The following ARHGAP24 variants were observed in gnomAD, a reference collection of about 807,000 sequenced individuals.
The protein encoded by ARHGAP24 is Rho GTPase activating protein 24, also known as rho GTPase-activating protein 24.
In ARHGAP24, 50 loss-of-function variants were observed where a neutral mutation model predicts 76.4. The ratio of observed to expected loss-of-function variants is 0.65; its 90% CI spans 0.52 to 0.83. ARHGAP24 has a LOEUF of 0.83. Ranked by LOEUF, ARHGAP24 falls within the 40% of genes least tolerant of loss-of-function variation. The pLI, the probability that ARHGAP24 is intolerant of heterozygous loss-of-function variation, is 0.00. For synonymous variants in ARHGAP24, 345 were observed against 323.3 expected, an observed-to-expected ratio of 1.07 and a Z score of -0.72; for missense variants, 930 against 914.2, an observed-to-expected ratio of 1.02 and a Z score of -0.22.
intron 3 of ARHGAP24, among the ~76,000 whole-genome samples, chr4:85,915,782 G>A (rs572955867): frequency 1.9e-3 from 285 of 152,306 alleles, no homozygotes; most frequent in African/African-American, 6.8e-3. Context: ...AGTATTCCAT[G>A]CTGTATATGT....
intron 3 of ARHGAP24, among the ~76,000 whole-genome samples, chr4:85,824,171 A>C (rs1275152607): frequency 6.6e-6 from 1 of 152,204 alleles, no homozygotes. Flanking sequence ...AAACATCTAC[A>C]TAAGATGGTT....
At chr4:85,800,598 A>G (rs951356601) in intron 3 of ARHGAP24, among the ~76,000 whole-genome samples, 1 of 151,910 alleles carries the variant, frequency 6.6e-6, no homozygotes, top group Non-Finnish European at 1.5e-5. Context: ...AAAGAAGAAA[A>G]AAGAGGAGGA....
intron 1 of ARHGAP24, among the ~76,000 whole-genome samples, chr4:85,505,990 A>T (rs1368178035): frequency 2.0e-5 from 3 of 152,112 alleles, no homozygotes; most frequent in African/African-American, 7.2e-5. Flanking sequence ...CCTCAGCTGC[A>T]GGTCTGTTGG....
chr4:85,922,817 T>C (rs765161982), intron 3 of ARHGAP24, among the ~76,000 whole-genome samples: 3 of 152,198 alleles, frequency 2.0e-5, no homozygotes, highest in Non-Finnish European at 4.4e-5. Flanking sequence ...AAATGCGCTA[T>C]AAAAGACTTC....
intron 3 of ARHGAP24, among the ~76,000 whole-genome samples, chr4:85,850,475 T>C (rs1731161836): frequency 6.6e-6 from 1 of 152,176 alleles, no homozygotes; most frequent in South Asian, 2.1e-4. Context: ...TCTTAGTTAT[T>C]TCTTGCCTTC....
intron 3 of ARHGAP24, among the ~76,000 whole-genome samples, chr4:85,760,611 C>A (rs1418875453): frequency 6.6e-6 from 1 of 152,254 alleles, no homozygotes; most frequent in East Asian, 1.9e-4. Context: ...GTGACACTTA[C>A]CTTTGGAGCA....
chr4:85,530,854 A>C (rs1461554827), intron 1 of ARHGAP24, among the ~76,000 whole-genome samples: 3 of 152,068 alleles, frequency 2.0e-5, no homozygotes, highest in African/African-American at 4.8e-5. Flanking sequence ...TATTTTGTTG[A>C]AAGAAATAAT....
intron 6 of ARHGAP24, 23 bp from the exon 7 acceptor site, chr4:85,974,865 T>A (rs1042750664): frequency 1.4e-5 from 22 of 1,604,546 alleles, no homozygotes; most frequent in Non-Finnish European, 1.9e-5. Context: ...AAAAATAATA[T>A]TTATTTTCTT....
chr4:85,830,990 G>T (rs1293748840), intron 3 of ARHGAP24, among the ~76,000 whole-genome samples: 1 of 152,206 alleles, frequency 6.6e-6, no homozygotes, highest in African/African-American at 2.4e-5. Context: ...CAGCCTGGTT[G>T]CTGGAATATG....
chr4:85,627,326 T>G (rs758730058), intron 2 of ARHGAP24, among the ~76,000 whole-genome samples: 6 of 152,156 alleles, frequency 3.9e-5, no homozygotes, highest in African/African-American at 7.2e-5. Context: ...GTTGGAGTTT[T>G]CTAGAGGTCC....
rs1269027429 is a variant in ARHGAP24 at position 85,611,342 on chromosome 4, G to A, written c.180+40621G>A. Among the ~76,000 whole-genome samples, 5 of 152,250 alleles carry A rather than the reference G, an allele frequency of 3.3e-5. No individual in the cohort carries two copies. The East Asian group carries it at 9.6e-4, about 29-fold the overall frequency. On this transcript the variant is annotated intron_variant, in intron 2 of 9. Transcript: ENST00000395184. ...ATAGACTAACCTAAAGTTATTGTGT[G>A]GATAAACTAATATGCATGGAACACC...
chr4:85,611,155 G>A (rs1312129905), intron 2 of ARHGAP24, among the ~76,000 whole-genome samples: 1 of 152,048 alleles, frequency 6.6e-6, no homozygotes, highest in East Asian at 1.9e-4. Flanking sequence ...AGTTATAATT[G>A]CAGCTATGTG....
At chr4:85,613,175 T>C (rs1396788931) in intron 2 of ARHGAP24, among the ~76,000 whole-genome samples, 1 of 152,164 alleles carries the variant, frequency 6.6e-6, no homozygotes, top group Non-Finnish European at 1.5e-5. Context: ...GCTTTGCATA[T>C]ATGTATATCC....
At chr4:85,749,980 C>T (rs1300435853) in intron 3 of ARHGAP24, among the ~76,000 whole-genome samples, 2 of 152,056 alleles carry the variant, frequency 1.3e-5, no homozygotes, top group Non-Finnish European at 2.9e-5. Flanking sequence ...CAGCAGCAAC[C>T]CTCTCTCAGT....
chr4:85,881,572 G>A (rs1045948717), intron 3 of ARHGAP24, among the ~76,000 whole-genome samples: 5 of 151,976 alleles, frequency 3.3e-5, no homozygotes, highest in African/African-American at 1.2e-4. Flanking sequence ...TGTAAATTTG[G>A]TCAGTTCTAA....
At chr4:85,754,352 C>T (rs548759346) in intron 3 of ARHGAP24, among the ~76,000 whole-genome samples, 27 of 152,234 alleles carry the variant, frequency 1.8e-4, no homozygotes, top group African/African-American at 5.5e-4. Flanking sequence ...TAGTTGATTC[C>T]GTATCTTGGT....
chr4:85,526,151 C>T (rs1292272873), intron 1 of ARHGAP24, among the ~76,000 whole-genome samples: 4 of 151,962 alleles, frequency 2.6e-5, no homozygotes, highest in Non-Finnish European at 4.4e-5. Context: ...TGGCTCACAC[C>T]TGTAATCCTA....
rs143855955 is a variant in ARHGAP24 at position 85,769,296 on chromosome 4, T to C, written c.268+47324T>C. Reference sequence around the variant, plus strand: ...TATTAGGTAGTCATTTTGCCAAGCATCTTGACTCTTAGTAATGTATCATTG... The same window carrying C: ...TATTAGGTAGTCATTTTGCCAAGCACCTTGACTCTTAGTAATGTATCATTG... On this transcript the variant is annotated intron_variant, in intron 3 of 9. Coordinates refer to ENST00000395184, the MANE Select transcript of ARHGAP24 (RefSeq NM_001025616.3). Among the ~76,000 whole-genome samples, 407 of 152,320 alleles carry C rather than the reference T, an allele frequency of 2.7e-3. 1 individual carries two copies. Among genetic ancestry groups the C allele is most frequent in the Non-Finnish European group, 4.5e-3 (305 of 68,022 alleles).
intron 2 of ARHGAP24, among the ~76,000 whole-genome samples, chr4:85,676,498 G>A (rs978762948): frequency 3.9e-5 from 6 of 152,140 alleles, no homozygotes; most frequent in African/African-American, 1.4e-4. Flanking sequence ...CTGGGTTTAG[G>A]GGTGGAGTTG....
Sources: allele counts gnomAD v4.1 joint callset (sites outside exome capture counted in the v4.1 genomes callset), GRCh38; gene constraint gnomAD v4.1.1; transcripts MANE v1.5; gene names NCBI Gene and HGNC (gene_info 2026-07-23, HGNC 2026-07-21).